The following C4orf17 variants were observed in gnomAD, a reference collection of about 807,000 sequenced individuals.
C4orf17 encodes uncharacterized protein C4orf17.
Under a neutral mutation model 32.0 loss-of-function variants are expected in C4orf17, and 25 were observed. The observed-to-expected ratio is 0.78, with a 90% CI of 0.57 to 1.09. C4orf17 has a LOEUF of 1.09. C4orf17 is among the 50% of genes least tolerant of loss of function. C4orf17 has a pLI of 0.00. For missense variants in C4orf17, 420 were observed against 420.0 expected, an observed-to-expected ratio of 1.00 and a Z score of 0.00; for synonymous variants, 149 against 145.8, an observed-to-expected ratio of 1.02 and a Z score of -0.16.
intron 7 of C4orf17, among the ~76,000 whole-genome samples, chr4:99,539,815 T>C (rs1377646831): frequency 1.3e-5 from 2 of 151,906 alleles, no homozygotes; most frequent in African/African-American, 4.8e-5. Flanking sequence ...TTAAAATAAA[T>C]TGCTTCACTT....
chr4:99,529,948 A>G lies in C4orf17; in HGVS notation c.536A>G (p.Gln179Arg), dbSNP rs1345219149. ...NTICIPNYLD[Q>R]EIKILAKLCS... ...ATTTGCATACCAAACTATCTGGATC[A>G]GGAAATAAAAGTAAGTATCAGGTTT... is the stretch of plus-strand genomic sequence containing the variant. The change falls in exon 5 of 9, where the codon CAG (glutamine) becomes CGG (arginine). Residue 179 changes from glutamine to arginine, a missense_variant. By Grantham distance (43) the Gln-to-Arg change is conservative. Coordinates refer to ENST00000326581, the MANE Select transcript of C4orf17 (RefSeq NM_032149.3). 6 of 1,607,200 alleles carry G rather than the reference A, an allele frequency of 3.7e-6. No individual in the cohort carries two copies. Among genetic ancestry groups the G allele is most frequent in the Non-Finnish European group, 4.2e-6 (5 of 1,177,516 alleles).
chr4:99,524,088 T>C (rs1211500880), intron 3 of C4orf17, among the ~76,000 whole-genome samples: 1 of 150,140 alleles, frequency 6.7e-6, no homozygotes, highest in Non-Finnish European at 1.5e-5. Context: ...CACGCCATTC[T>C]CCTGCCTCAG....
chr4:99,517,293 G>A (rs1401360103), intron 2 of C4orf17, among the ~76,000 whole-genome samples: 1 of 152,154 alleles, frequency 6.6e-6, no homozygotes, highest in Non-Finnish European at 1.5e-5. Flanking sequence ...AGTAGGCCAT[G>A]GTTCAAATAA....
At position 99,542,008 on chromosome 4, in the gene C4orf17, A is replaced by C; in HGVS notation, c.979A>C (p.Thr327Pro). ...SKPNSPPRPN[T>P]QESGSAKPVS... ...ACCAAATTCTCCTCCCAGGCCTAAC[A>C]CTCAGGAGAGTGGATCAGCAAAACC... Residue 327 changes from threonine (T) to proline (P), a missense_variant, in exon 9 of 9, where the codon ACT becomes CCT. Thr to Pro is a conservative substitution (Grantham distance 38, BLOSUM62 -1). Coordinates refer to ENST00000326581, the MANE Select transcript of C4orf17 (RefSeq NM_032149.3). 1 of 1,613,988 alleles carries C rather than the reference A, an allele frequency of 6.2e-7. No individual in the cohort carries two copies. Among genetic ancestry groups the C allele is most frequent in the Non-Finnish European group, 8.5e-7 (1 of 1,179,858 alleles).
At position 99,522,696 on chromosome 4, in the gene C4orf17, A is replaced by G. The variant is rs17029090; in HGVS notation, c.324A>G (p.Pro108=). The part of the protein sequence containing the change: ...SPAPNGAKVP[P]RPHSEPSRKI... ...CCCCAAACGGTGCCAAAGTGCCTCC[A>G]CGGCCTCATTCTGGTGAGTTGAGTT... Residue 108 remains proline (P), a synonymous_variant, in exon 3 of 9, where the codon CCA becomes CCG. Coordinates refer to ENST00000326581, the MANE Select transcript of C4orf17 (RefSeq NM_032149.3). The G allele has an allele frequency of 0.036, 58,276 of 1,613,218 alleles. 3,154 individuals carry two copies. Among genetic ancestry groups the G allele is most frequent in the African/African-American group, 0.24 (17,807 of 74,886 alleles).
chr4:99,523,370 C>T (rs1423632654), intron 3 of C4orf17, among the ~76,000 whole-genome samples: 1 of 152,154 alleles, frequency 6.6e-6, no homozygotes, highest in African/African-American at 2.4e-5. Flanking sequence ...TATCAGGACA[C>T]ATGAAAATTA....
At chr4:99,536,492 G>A (rs867929071) in intron 5 of C4orf17, among the ~76,000 whole-genome samples, 1 of 152,332 alleles carries the variant, frequency 6.6e-6, no homozygotes, top group Non-Finnish European at 1.5e-5. Context: ...TAAAGAAGCA[G>A]TCTGGGCATG....
intron 2 of C4orf17, among the ~76,000 whole-genome samples, chr4:99,515,720 C>G (rs1723169678): frequency 6.6e-6 from 1 of 151,778 alleles, no homozygotes; most frequent in Non-Finnish European, 1.5e-5. Flanking sequence ...AAAAAAAGAA[C>G]TTATCCATGT....
At chr4:99,516,937 G>A (rs1474960818) in intron 2 of C4orf17, among the ~76,000 whole-genome samples, 1 of 152,150 alleles carries the variant, frequency 6.6e-6, no homozygotes, top group Non-Finnish European at 1.5e-5. Flanking sequence ...CTATCCTTCA[G>A]TTAGACAAAT....
intron 4 of C4orf17, among the ~76,000 whole-genome samples, chr4:99,526,309 C>CA (rs1475855467): frequency 1.3e-5 from 2 of 152,120 alleles, no homozygotes; most frequent in Admixed American, 6.5e-5. Context: ...GACTAAGTTT[C>CA]AAATTGGAAC....
rs1207413203 is a variant in C4orf17 at position 99,522,806 on chromosome 4, T to C, written c.337+97T>C. ...ATGCTAAAATAGCTGCAGTGGTTTT[T>C]ACATCAAGTTTCCTCACTGTGAGGA... On this transcript the variant is annotated intron_variant, in intron 3 of 8. Coordinates refer to ENST00000326581, the MANE Select transcript of C4orf17 (RefSeq NM_032149.3). The C allele has an allele frequency of 7.6e-6, 7 of 918,584 alleles. No individual in the cohort carries two copies. In the East Asian group the frequency reaches 1.3e-4, roughly 17 times the overall value. 56.9% of individuals were successfully genotyped at this position (918,584 alleles called of 1,614,324 possible).
intron 5 of C4orf17, among the ~76,000 whole-genome samples, chr4:99,535,594 G>A (rs1242033648): frequency 6.6e-6 from 1 of 152,072 alleles, no homozygotes; most frequent in East Asian, 1.9e-4. Context: ...GGTCAGTTAT[G>A]TTCCTCTCTA....
Position 99,537,736 on chromosome 4 carries a change from A to G in C4orf17, c.614A>G (p.His205Arg), listed in dbSNP as rs1222002848. ...GCAGAAGTTTTACAGTGGCTGCTTC[A>G]TGCAACTTCAAAAGGTGCGATTAAG... is the stretch of plus-strand genomic sequence containing the variant. Reference protein sequence around the residue: ...SLAEVLQWLLHATSKEKEWVS... With the variant: ...SLAEVLQWLLRATSKEKEWVS... Residue 205 changes from histidine to arginine, a missense_variant, in exon 6 of 9, where the codon CAT becomes CGT. Transcript: ENST00000326581. 1.2e-6 allele frequency: 2 copies of G among 1,611,590 alleles called. No homozygotes were observed. The highest frequency in any genetic ancestry group is 1.7e-6 in the Non-Finnish European group (2 of 1,179,116).
chr4:99,536,355 G>A (rs1354231078), intron 5 of C4orf17, among the ~76,000 whole-genome samples: 1 of 152,188 alleles, frequency 6.6e-6, no homozygotes, highest in Non-Finnish European at 1.5e-5. Context: ...GACAACAGCT[G>A]CCTCTCCCCC....
chr4:99,518,542 T>TAGAG (rs1474420492), intron 2 of C4orf17, among the ~76,000 whole-genome samples: 73 of 60,138 alleles, frequency 1.2e-3, no homozygotes, highest in Middle Eastern at 9.6e-3. Context: ...TATATATATA[T>TAGAG]ATAGAGAGAG....
intron 2 of C4orf17, among the ~76,000 whole-genome samples, chr4:99,518,522 T>A (rs1723228756): frequency 2.1e-5 from 1 of 48,308 alleles, no homozygotes; most frequent in Non-Finnish European, 3.5e-5. Flanking sequence ...AAAAAAAATA[T>A]ATATATATAT....
chr4:99,526,254 G>A lies in C4orf17; in HGVS notation c.402+1669G>A, dbSNP rs568292634. On this transcript the variant is annotated intron_variant, in intron 4 of 8. Coordinates refer to ENST00000326581, the MANE Select transcript of C4orf17 (RefSeq NM_032149.3). ...GTTTCAGTATCTAGCTGAGATGATCGAATGATGTTTCTTTTTTTAGTCTGT... is the reference window on the plus strand; with the variant it reads ...GTTTCAGTATCTAGCTGAGATGATCAAATGATGTTTCTTTTTTTAGTCTGT... Among the ~76,000 whole-genome samples the A allele has an allele frequency of 2.4e-4, 37 of 152,244 alleles. 1 individual carries two copies. Among genetic ancestry groups the A allele is most frequent in the South Asian group, 8.3e-4 (4 of 4,826 alleles).
At chr4:99,535,344 T>G (rs1245498776) in intron 5 of C4orf17, among the ~76,000 whole-genome samples, 1 of 152,154 alleles carries the variant, frequency 6.6e-6, no homozygotes, top group Non-Finnish European at 1.5e-5. Flanking sequence ...CCAACTTGGT[T>G]CCATTCTCCT....
chr4:99,525,285 A>C (rs1194341864), intron 4 of C4orf17, among the ~76,000 whole-genome samples: 7 of 152,148 alleles, frequency 4.6e-5, no homozygotes, highest in African/African-American at 1.7e-4. Flanking sequence ...TTACATTCCC[A>C]CCAGCAGTGT....
Sources: allele counts gnomAD v4.1 joint callset (sites outside exome capture counted in the v4.1 genomes callset), GRCh38; gene constraint gnomAD v4.1.1; transcripts MANE v1.5; gene names NCBI Gene and HGNC (gene_info 2026-07-23, HGNC 2026-07-21).